Variants in ZNG1E observed in about 807,000 individuals in gnomAD.
ZNG1E encodes the protein Zn regulated GTPase metalloprotein activator 1E.
chr9:65,728,399 AAAC>A, the ZNG1E span, among the ~76,000 whole-genome samples: 3 of 149,162 alleles, frequency 2.0e-5, no homozygotes, highest in Middle Eastern at 3.4e-3. Flanking sequence ...AATTGAAACA[AAAC>A]AACAAAAAAA....
At chr9:65,679,904 T>C in the ZNG1E span, among the ~76,000 whole-genome samples, 3 of 152,250 alleles carry the variant, frequency 2.0e-5, no homozygotes, top group Non-Finnish European at 4.4e-5. Context: ...TGGACTCTAT[T>C]GCAACTCATG....
chr9:65,714,279 A>T, the ZNG1E span, among the ~76,000 whole-genome samples: 1,179 of 150,384 alleles, frequency 7.8e-3, 20 homozygotes, highest in African/African-American at 0.027. Context: ...CAAAGTTTTC[A>T]ACTTCTTTGC....
chr9:65,662,385 A>G, the ZNG1E span, among the ~76,000 whole-genome samples: 1 of 152,254 alleles, frequency 6.6e-6, no homozygotes, highest in Non-Finnish European at 1.5e-5. Flanking sequence ...CGGTGGGACA[A>G]CTGGCAAAAT....
chr9:65,712,813 G>GA, the ZNG1E span, among the ~76,000 whole-genome samples: 2 of 18,858 alleles, frequency 1.1e-4, no homozygotes, highest in Non-Finnish European at 1.9e-4. Flanking sequence ...GTGTGGTGCT[G>GA]AAAAAAATGT....
At chr9:65,656,996 G>T in the ZNG1E span, among the ~76,000 whole-genome samples, 21 of 151,890 alleles carry the variant, frequency 1.4e-4, no homozygotes, top group Middle Eastern at 3.4e-3. Flanking sequence ...GACTACCAAA[G>T]ATTATCAGAC....
the ZNG1E span, among the ~76,000 whole-genome samples, chr9:65,660,560 G>A: frequency 6.6e-6 from 1 of 152,234 alleles, no homozygotes; most frequent in Non-Finnish European, 1.5e-5. Flanking sequence ...TGTTGGGGAG[G>A]ATACCTGTAA....
chr9:65,656,707 T>C, the ZNG1E span, among the ~76,000 whole-genome samples: 4 of 152,290 alleles, frequency 2.6e-5, no homozygotes, highest in Non-Finnish European at 5.9e-5. Context: ...TTCAGTAATA[T>C]AAATGAAGGG....
the ZNG1E span, among the ~76,000 whole-genome samples, chr9:65,684,550 G>GCACACGCACACGCACACA: frequency 1.5e-5 from 2 of 132,824 alleles, no homozygotes; most frequent in African/African-American, 6.1e-5. Flanking sequence ...ACACACGCAC[G>GCACACGCACACGCACACA]CACACACACA....
chr9:65,693,829 T>A, the ZNG1E span, among the ~76,000 whole-genome samples: 1 of 152,016 alleles, frequency 6.6e-6, no homozygotes, highest in East Asian at 1.9e-4. Context: ...AGTGCTGGGA[T>A]TACAGGCATG....
At chr9:65,658,472 G>A in the ZNG1E span, among the ~76,000 whole-genome samples, 2 of 151,312 alleles carry the variant, frequency 1.3e-5, no homozygotes, top group South Asian at 2.1e-4. Flanking sequence ...TAAATAAGAG[G>A]AGATCCACAA....
the ZNG1E span, among the ~76,000 whole-genome samples, chr9:65,687,763 T>C: frequency 3.3e-5 from 5 of 149,666 alleles, no homozygotes; most frequent in Non-Finnish European, 4.5e-5. Context: ...TGTAGAAAAG[T>C]CTGATTTTTC....
chr9:65,685,422 C>T, the ZNG1E span, among the ~76,000 whole-genome samples: 1 of 152,142 alleles, frequency 6.6e-6, no homozygotes, highest in Admixed American at 6.6e-5. Context: ...AGTCAGTCCT[C>T]TCAAACCCTG....
At chr9:65,712,607 T>G in the ZNG1E span, among the ~76,000 whole-genome samples, 2 of 76,428 alleles carry the variant, frequency 2.6e-5, no homozygotes, top group Non-Finnish European at 5.0e-5. Context: ...TTCATTTCGT[T>G]ATGTACCCAG....
chr9:65,672,492 T>C, the ZNG1E span, among the ~76,000 whole-genome samples: 3,327 of 149,440 alleles, frequency 0.022, 8 homozygotes, highest in African/African-American at 0.077. Context: ...ACGCCTGTAA[T>C]CCCAGCTCTT....
the ZNG1E span, chr9:65,704,586 G>C: frequency 1.1e-6 from 1 of 938,674 alleles, no homozygotes; most frequent in African/African-American, 2.5e-5. Context: ...CAAATTCCTT[G>C]AGGCATAGCA....
chr9:65,710,742 G>C, the ZNG1E span, among the ~76,000 whole-genome samples: 4 of 149,632 alleles, frequency 2.7e-5, no homozygotes, highest in Non-Finnish European at 6.0e-5. Flanking sequence ...GTACCATGCT[G>C]TTTTGGTTAC....
At chr9:65,715,123 G>A in the ZNG1E span, among the ~76,000 whole-genome samples, 1 of 149,446 alleles carries the variant, frequency 6.7e-6, no homozygotes. Flanking sequence ...CAAGCCCGTC[G>A]GAAAAGCGCA....
At chr9:65,672,286 C>T in the ZNG1E span, among the ~76,000 whole-genome samples, 1 of 151,488 alleles carries the variant, frequency 6.6e-6, no homozygotes, top group Non-Finnish European at 1.5e-5. Flanking sequence ...TGTTGTTTTA[C>T]CCTAAAGTAA....
the ZNG1E span, chr9:65,707,720 G>GT: frequency 9.3e-6 from 1 of 107,850 alleles, no homozygotes; most frequent in Admixed American, 9.9e-5. Flanking sequence ...GACCAATGAT[G>GT]TTTTTTTTCC....
Sources: allele counts gnomAD v4.1 joint callset (sites outside exome capture counted in the v4.1 genomes callset), GRCh38; gene constraint gnomAD v4.1.1; transcripts MANE v1.5; gene names NCBI Gene and HGNC (gene_info 2026-07-23, HGNC 2026-07-21).